Variants in PDCD6IP observed in about 807,000 individuals in gnomAD.
PDCD6IP encodes programmed cell death 6 interacting protein.
In PDCD6IP, 43 loss-of-function variants were observed where a neutral mutation model predicts 103.7. The observed-to-expected ratio is 0.41, with a 90% CI of 0.32 to 0.53. The LOEUF (loss-of-function observed/expected upper bound fraction) is 0.53, where lower values mean the gene tolerates loss of function less well. Ranked by LOEUF, PDCD6IP falls within the 20% of genes least tolerant of loss-of-function variation. The pLI is 0.16. For synonymous variants in PDCD6IP, 354 were observed against 378.7 expected (o/e 0.93, Z 0.76); for missense variants, 871 against 1,036.7 (o/e 0.84, Z 2.20).
intron 12 of PDCD6IP, among the ~76,000 whole-genome samples, chr3:33,851,875 T>TC (rs1448455714): frequency 6.6e-6 from 1 of 152,230 alleles, no homozygotes; most frequent in Non-Finnish European, 1.5e-5. Context: ...TATTTCTTTC[T>TC]CCATCTACCA....
chr3:33,862,855 T>C (rs985235815), intron 15 of PDCD6IP, among the ~76,000 whole-genome samples: 3 of 152,140 alleles, frequency 2.0e-5, no homozygotes, highest in East Asian at 3.8e-4. Flanking sequence ...GGGACTACCT[T>C]TTATTAGAGG....
intron 9 of PDCD6IP, among the ~76,000 whole-genome samples, chr3:33,840,736 G>A (rs1276262198): frequency 6.6e-6 from 1 of 152,200 alleles, no homozygotes. Context: ...GAGAACAGAT[G>A]AAGATTCTGT....
intron 3 of PDCD6IP, among the ~76,000 whole-genome samples, chr3:33,815,846 A>G (rs1169939015): frequency 6.6e-6 from 1 of 152,238 alleles, no homozygotes; most frequent in Non-Finnish European, 1.5e-5. Context: ...TCAGAAGAGA[A>G]AGATATACAT....
Position 33,836,265 on chromosome 3 carries a change from T to C in PDCD6IP, c.1056T>C (p.Thr352=). 6.4e-7 allele frequency: 1 copy of C among 1,560,870 alleles called. No homozygotes were observed. The highest frequency in any genetic ancestry group is 8.8e-7 in the Non-Finnish European group (1 of 1,132,444). The change falls in exon 8 of 18, where the codon ACT becomes ACC. Residue 352 remains threonine, a splice_region_variant and synonymous_variant. Transcript: ENST00000307296. ...PVNVPISQKF[T]DLFEKMVPVS... is the part of the protein sequence containing the mutation. ...ATGTACCCATCAGTCAGAAATTTAC[T>C]GGTATGTCAGTTATTCAGACACACT...
At chr3:33,829,097 T>C (rs1306478230) in intron 7 of PDCD6IP, 128 bp downstream of exon 7, 9 of 559,966 alleles carry the variant, frequency 1.6e-5, no homozygotes, top group Non-Finnish European at 2.5e-5. Context: ...GACAAGTGAT[T>C]GTTTTTATCT....
intron 7 of PDCD6IP, among the ~76,000 whole-genome samples, chr3:33,834,296 T>C (rs1697302423): frequency 6.6e-6 from 1 of 152,208 alleles, no homozygotes; most frequent in Non-Finnish European, 1.5e-5. Context: ...TCAGATTTGC[T>C]TAAAGTAATT....
In PDCD6IP at chr3:33,852,667, C is replaced by G. The variant is rs762812708; in HGVS notation, c.1821C>G (p.Val607=). 8 of 1,594,706 alleles carry G rather than the reference C, an allele frequency of 5.0e-6. No individual in the cohort carries two copies. The highest frequency in any genetic ancestry group is 3.7e-5 in the Admixed American group (2 of 54,320). The change falls in exon 13 of 18, where the codon GTC becomes GTG. Residue 607 remains valine (V), a synonymous_variant. Transcript: ENST00000307296. ...TTTCTGTTACTGAACTAGATCGAGTCTATGGAGGTCTTACAACTAAAGTCC... is the reference window on the plus strand; with the variant it reads ...TTTCTGTTACTGAACTAGATCGAGTGTATGGAGGTCTTACAACTAAAGTCC... ...EALSVTELDR[V]YGGLTTKVQE... is the part of the protein sequence containing the mutation.
intron 3 of PDCD6IP, among the ~76,000 whole-genome samples, chr3:33,818,513 C>CTTTTTTTT (rs61405380): frequency 2.2e-4 from 20 of 89,270 alleles, no homozygotes; most frequent in South Asian, 4.1e-4. Flanking sequence ...TGATCCCTTG[C>CTTTTTTTT]TTTTTTTTTT....
At chr3:33,852,320 GA>G (rs1697731533) in intron 12 of PDCD6IP, among the ~76,000 whole-genome samples, 167 bp from the exon 13 acceptor site, 1 of 151,974 alleles carries the variant, frequency 6.6e-6, no homozygotes, top group Non-Finnish European at 1.5e-5. Context: ...TGAGTCAACT[GA>G]AGGTACAGTG....
At chr3:33,864,599 T>A (rs1698025164) in intron 16 of PDCD6IP, among the ~76,000 whole-genome samples, 1 of 152,234 alleles carries the variant, frequency 6.6e-6, no homozygotes, top group African/African-American at 2.4e-5. Flanking sequence ...ATGAGCTTTT[T>A]TGTGTTAATT....
chr3:33,819,713 G>A (rs990724880), intron 3 of PDCD6IP, among the ~76,000 whole-genome samples: 1 of 152,222 alleles, frequency 6.6e-6, no homozygotes, highest in Non-Finnish European at 1.5e-5. Flanking sequence ...GGTTTGTTCA[G>A]TGTTTTTTGT....
intron 9 of PDCD6IP, among the ~76,000 whole-genome samples, chr3:33,840,679 A>G (rs1172286446): frequency 6.9e-6 from 1 of 145,916 alleles, no homozygotes; most frequent in African/African-American, 2.5e-5. Context: ...TCCCTTCGCC[A>G]TCATGTAACT....
At chr3:33,855,373 G>T in intron 15 of PDCD6IP, 113 bp downstream of exon 15, 1 of 631,188 alleles carries the variant, frequency 1.6e-6, no homozygotes, top group South Asian at 1.9e-5. Context: ...CTCTTCTCAT[G>T]GAAGAAGGAA....
intron 12 of PDCD6IP, among the ~76,000 whole-genome samples, chr3:33,849,540 T>G (rs1278839901): frequency 1.3e-5 from 2 of 152,258 alleles, no homozygotes; most frequent in African/African-American, 4.8e-5. Context: ...AGTATTTGTT[T>G]GAATGATCAT....
At position 33,866,838 on chromosome 3, in the gene PDCD6IP, A is replaced by G. The variant is rs114780240; in HGVS notation, c.*313A>G. On this transcript the variant is annotated 3_prime_UTR_variant, in exon 18 of 18. Transcript: ENST00000307296. ...GAAACGATTATACTTTCTACATAAG[A>G]CATGGTTGGGACATCAGATACTTAC... The G allele has an allele frequency of 9.0e-3, 2,016 of 223,186 alleles. 37 individuals are homozygous for G. The highest frequency in any genetic ancestry group is 0.042 in the African/African-American group (1,872 of 44,452). The allele number at this position is 223,186 out of a possible 1,614,324, so 13.8% of individuals were successfully genotyped here.
At position 33,838,258 on chromosome 3, in the gene PDCD6IP, A is replaced by G; in HGVS notation, c.1112A>G (p.Asn371Ser). The change falls in exon 9 of 18, where the codon AAT becomes AGT. Residue 371 changes from asparagine to serine, a missense_variant. By Grantham distance (46) the Asn-to-Ser change is conservative. Coordinates refer to ENST00000307296, the MANE Select transcript of PDCD6IP (RefSeq NM_013374.6). Reference sequence around the variant, plus strand: ...GTACAGCAGTCTTTGGCTGCCTATAATCAGAGGAAAGCCGATTTGGTTAAC... The same window carrying G: ...GTACAGCAGTCTTTGGCTGCCTATAGTCAGAGGAAAGCCGATTTGGTTAAC... ...VSVQQSLAAYNQRKADLVNRS... is the reference protein window; with the variant it reads ...VSVQQSLAAYSQRKADLVNRS... 6.2e-7 allele frequency: 1 copy of G among 1,613,510 alleles called. No homozygotes were observed. Among genetic ancestry groups the G allele is most frequent in the Non-Finnish European group, 8.5e-7 (1 of 1,179,412 alleles).
intron 5 of PDCD6IP, 48 bp from the exon 6 acceptor site, chr3:33,826,432 A>C: frequency 7.8e-7 from 1 of 1,288,122 alleles, no homozygotes; most frequent in Non-Finnish European, 1.1e-6. Context: ...GAGACATGTC[A>C]GATTAGCTCA....
In PDCD6IP at chr3:33,831,659, T is replaced by TA. The variant is rs1393021955; in HGVS notation, c.834+2691dup. On this transcript the variant is annotated intron_variant, in intron 7 of 17. Coordinates refer to ENST00000307296, the MANE Select transcript of PDCD6IP (RefSeq NM_013374.6). ...CAATTCCTGTTCCTCTTTTTCCCTC[T>TA]ATCCTGTTCCCTCCATCCATTATTC... 3.3e-5 allele frequency among the ~76,000 whole-genome samples: 5 copies of TA among 152,146 alleles called. No homozygotes were observed. In the East Asian group the frequency reaches 9.6e-4, roughly 29 times the overall value.
chr3:33,805,113 T>A (rs1371582067), intron 1 of PDCD6IP, among the ~76,000 whole-genome samples: 2 of 152,134 alleles, frequency 1.3e-5, no homozygotes, highest in Non-Finnish European at 2.9e-5. Context: ...TCCCAGCACT[T>A]TGGGAGGCTG....
Sources: gnomAD v4.1 joint callset for allele counts (sites outside exome capture counted in the v4.1 genomes callset) on GRCh38, gnomAD v4.1.1 for gene constraint, MANE v1.5 for transcripts, NCBI Gene and HGNC (gene_info 2026-07-23, HGNC 2026-07-21) for gene names.